CNOT9: variants seen among roughly 807,000 people sequenced by gnomAD.
CNOT9 encodes RCD1 required for cell differentiation1 homolog.
A neutral mutation model predicts 37.4 loss-of-function variants in CNOT9; 8 were observed. That is an observed-to-expected ratio of 0.21 (90% CI 0.13 to 0.39). The LOEUF (loss-of-function observed/expected upper bound fraction) is 0.39, where lower values mean the gene tolerates loss of function less well. Ranked by LOEUF, CNOT9 falls within the 10% of genes least tolerant of loss-of-function variation. The pLI is 1.00. For synonymous variants in CNOT9, 120 were observed against 137.6 expected (o/e 0.87, Z 0.90); for missense variants, 154 against 365.3 (o/e 0.42, Z 4.71).
chr2:218,582,499 G>A (rs1324373713), intron 2 of CNOT9, among the ~76,000 whole-genome samples: 1 of 152,174 alleles, frequency 6.6e-6, no homozygotes, highest in Non-Finnish European at 1.5e-5. Flanking sequence ...GACCATCCTG[G>A]CTAACACGGT....
At chr2:218,593,621 C>T (rs775737439) in intron 7 of CNOT9, 1 of 1,432,696 alleles carries the variant, frequency 7.0e-7, no homozygotes. Flanking sequence ...GTTTTGTTTT[C>T]ACTGCTCATC....
chr2:218,580,840 C>A (rs1694347484), intron 2 of CNOT9, 100 bp downstream of exon 2: 4 of 1,065,908 alleles, frequency 3.8e-6, no homozygotes, highest in Non-Finnish European at 5.6e-6. Flanking sequence ...GAGGATGATT[C>A]TTTAAAAAAC....
intron 5 of CNOT9, among the ~76,000 whole-genome samples, chr2:218,591,859 A>G (rs895463752): frequency 3.9e-5 from 6 of 152,216 alleles, no homozygotes; most frequent in African/African-American, 7.2e-5. Flanking sequence ...AGATATTCAA[A>G]TGAGGCTTGG....
chr2:218,572,564 C>G (rs1434038896), intron 1 of CNOT9: 2 of 426,738 alleles, frequency 4.7e-6, no homozygotes, highest in Non-Finnish European at 6.3e-6. Context: ...AAAAATTTTC[C>G]AGGCTGCAGT....
chr2:218,572,846 A>G, intron 1 of CNOT9: 4 of 270,916 alleles, frequency 1.5e-5, no homozygotes, highest in Non-Finnish European at 2.3e-5. Flanking sequence ...GTTATTTTAC[A>G]TCTTTTTATT....
At chr2:218,573,357 TA>T (rs1559242626) in intron 1 of CNOT9, among the ~76,000 whole-genome samples, 1 of 151,098 alleles carries the variant, frequency 6.6e-6, no homozygotes, top group African/African-American at 2.4e-5. Context: ...CTGGCTCTTA[TA>T]AAATTATGAA....
rs573862387 is a variant in CNOT9 at position 218,572,361 on chromosome 2, G to T, written c.24+3383G>T. Among the ~76,000 whole-genome samples the T allele has an allele frequency of 4.6e-5, 7 of 152,134 alleles. No homozygotes were observed. In the South Asian group the frequency reaches 1.2e-3, roughly 27 times the overall value. ...AGAAAGAATAACAAAATGCTCAGTG[G>T]TTGGCTAGATTCACTCACTGATATG... is the stretch of plus-strand genomic sequence containing the variant. On this transcript the variant is annotated intron_variant, in intron 1 of 7. Transcript: ENST00000273064.
intron 5 of CNOT9, among the ~76,000 whole-genome samples, chr2:218,588,532 G>A (rs1242796622): frequency 5.6e-5 from 8 of 142,288 alleles, no homozygotes; most frequent in African/African-American, 1.6e-4. Flanking sequence ...CAGGTGATCC[G>A]TCCGCCTCAG....
At chr2:218,576,858 C>T (rs1270324564) in intron 1 of CNOT9, among the ~76,000 whole-genome samples, 2 of 151,478 alleles carry the variant, frequency 1.3e-5, no homozygotes, top group African/African-American at 4.9e-5. Context: ...TCCCAGCTAC[C>T]GGGGAGGCTG....
intron 4 of CNOT9, among the ~76,000 whole-genome samples, chr2:218,585,819 T>C (rs1429777846): frequency 6.6e-6 from 1 of 151,852 alleles, no homozygotes; most frequent in Non-Finnish European, 1.5e-5. Context: ...TTTTATTTTT[T>C]TGTAGACACA....
intron 1 of CNOT9, among the ~76,000 whole-genome samples, chr2:218,576,859 G>A (rs1226329207): frequency 6.6e-6 from 1 of 152,068 alleles, no homozygotes; most frequent in East Asian, 1.9e-4. Flanking sequence ...CCCAGCTACC[G>A]GGGAGGCTGA....
At chr2:218,579,104 AT>A (rs901972940) in intron 1 of CNOT9, among the ~76,000 whole-genome samples, 7 of 151,970 alleles carry the variant, frequency 4.6e-5, no homozygotes, top group African/African-American at 1.7e-4. Context: ...GGAAGGCATA[AT>A]TTTTTTTCCT....
chr2:218,589,414 C>T (rs981510518), intron 5 of CNOT9: 5 of 151,968 alleles, frequency 3.3e-5, no homozygotes, highest in Non-Finnish European at 5.9e-5. Flanking sequence ...GGCTCACTGC[C>T]GCCTCGACCT....
chr2:218,587,630 T>C lies in CNOT9; in HGVS notation c.475T>C (p.Leu159=). 1 of 1,609,734 alleles carries C rather than the reference T, an allele frequency of 6.2e-7. No homozygotes were observed. Among genetic ancestry groups the C allele is most frequent in the Non-Finnish European group, 8.5e-7 (1 of 1,177,820 alleles). The change falls in exon 5 of 8, where the codon TTA becomes CTA. Residue 159 remains leucine, a synonymous_variant. Transcript: ENST00000273064. Reference sequence around the variant, plus strand: ...TGAACAAGAAGTAATCAACTTTTTATTAACAACAGAAATTATCCCTTTATG... The same window carrying C: ...TGAACAAGAAGTAATCAACTTTTTACTAACAACAGAAATTATCCCTTTATG... ...TDEQEVINFL[L]TTEIIPLCLR...
chr2:218,582,810 G>T (rs1274901462), intron 2 of CNOT9, among the ~76,000 whole-genome samples, 161 bp from the exon 3 acceptor site: 1 of 151,748 alleles, frequency 6.6e-6, no homozygotes, highest in Non-Finnish European at 1.5e-5. Context: ...GTGATGAAAG[G>T]ATATGAGCAT....
chr2:218,588,551 A>AGTG lies in CNOT9; in HGVS notation c.540+857_540+859dup, dbSNP rs1200304395. Among the ~76,000 whole-genome samples, 4 of 137,024 alleles carry AGTG rather than the reference A, an allele frequency of 2.9e-5. No homozygotes were observed. The East Asian group carries it at 9.0e-4, about 31-fold the overall frequency. 89.9% of individuals were successfully genotyped at this position (137,024 alleles called of 152,430 possible). A position where few individuals can be genotyped will look rare whatever the true frequency, so the allele number is the denominator to read the frequency against. ...TGATCCGTCCGCCTCAGCCTCCCAA[A>AGTG]GTGCTGGGTTTACAGTCATGAGCCA... On this transcript the variant is annotated intron_variant, in intron 5 of 7. Coordinates refer to ENST00000273064, the MANE Select transcript of CNOT9 (RefSeq NM_005444.3).
chr2:218,588,589 T>TG (rs1491443734), intron 5 of CNOT9, among the ~76,000 whole-genome samples: 1 of 18,268 alleles, frequency 5.5e-5, no homozygotes, highest in African/African-American at 1.5e-4. Context: ...CCACCCGGCC[T>TG]TTTTTTTTTT....
intron 4 of CNOT9, among the ~76,000 whole-genome samples, chr2:218,586,993 G>A (rs1007687679): frequency 2.0e-5 from 3 of 152,048 alleles, no homozygotes; most frequent in African/African-American, 7.2e-5. Context: ...CACACCTACT[G>A]GAAAAATATA....
At chr2:218,579,933 C>T (rs1694313765) in intron 1 of CNOT9, among the ~76,000 whole-genome samples, 1 of 151,604 alleles carries the variant, frequency 6.6e-6, no homozygotes, top group Non-Finnish European at 1.5e-5. Context: ...ATTCTAGTGC[C>T]TCAGCCTCCT....
Sources: allele counts gnomAD v4.1 joint callset (sites outside exome capture counted in the v4.1 genomes callset), GRCh38; gene constraint gnomAD v4.1.1; transcripts MANE v1.5; gene names NCBI Gene and HGNC (gene_info 2026-07-23, HGNC 2026-07-21).